The following CNOT4 variants were observed in gnomAD, a reference collection of about 807,000 sequenced individuals.
CNOT4 encodes the protein CCR4-NOT transcription complex subunit 4.
CNOT4 carries 8 observed loss-of-function variants against 73.8 expected under a neutral mutation model. The ratio of observed to expected loss-of-function variants is 0.11; its 90% CI spans 0.06 to 0.20. The LOEUF is 0.20. Among genes scored for constraint, CNOT4 ranks in the 10% least tolerant of loss-of-function variants. The pLI is 1.00. For missense variants in CNOT4, 564 were observed against 883.4 expected (o/e 0.64, Z 4.58); for synonymous variants, 293 against 321.1 (o/e 0.91, Z 0.94).
At chr7:135,460,321 T>A (rs1187197739) in intron 1 of CNOT4, among the ~76,000 whole-genome samples, 1 of 152,248 alleles carries the variant, frequency 6.6e-6, no homozygotes, top group Non-Finnish European at 1.5e-5. Flanking sequence ...CTTTTTGGCC[T>A]ATCTCATGAG....
intron 1 of CNOT4, among the ~76,000 whole-genome samples, chr7:135,471,663 G>A (rs1801584683): frequency 6.6e-6 from 1 of 152,182 alleles, no homozygotes; most frequent in Admixed American, 6.5e-5. Flanking sequence ...GCTGGTCGGA[G>A]ATAATAAAAA....
intron 8 of CNOT4, among the ~76,000 whole-genome samples, chr7:135,397,601 A>C (rs1796765362): frequency 7.3e-6 from 1 of 137,870 alleles, no homozygotes; most frequent in Non-Finnish European, 1.6e-5. Context: ...GGAGTGAAAA[A>C]CTAGCCAAAA....
rs563890908 is a variant in CNOT4 at position 135,362,029 on chromosome 7, A to G, written c.*856T>C. ...GATCAGATGGCCCCAGAGCAGTGCT[A>G]TCTCAGAGTGCCCTCGTCAGGTGAA... On this transcript the variant is annotated 3_prime_UTR_variant, in exon 12 of 12. Transcript: ENST00000541284. The G allele has an allele frequency of 1.3e-4, 20 of 152,918 alleles. No homozygotes were observed. Among genetic ancestry groups the G allele is most frequent in the African/African-American group, 4.8e-4 (20 of 41,570 alleles). 9.5% of individuals were successfully genotyped at this position (152,918 alleles called of 1,614,324 possible). A position where few individuals can be genotyped will look rare whatever the true frequency, so the allele number is the denominator to read the frequency against.
At chr7:135,402,949 T>C (rs1797078734) in intron 7 of CNOT4, among the ~76,000 whole-genome samples, 2 of 152,068 alleles carry the variant, frequency 1.3e-5, no homozygotes, top group South Asian at 4.1e-4. Context: ...ACCAATTACA[T>C]AGTAGAAGAA....
chr7:135,483,346 A>T (rs894396964), intron 1 of CNOT4, among the ~76,000 whole-genome samples: 7 of 151,930 alleles, frequency 4.6e-5, no homozygotes, highest in African/African-American at 1.5e-4. Flanking sequence ...TCAAAAAAAA[A>T]AATAAAAATA....
intron 10 of CNOT4, among the ~76,000 whole-genome samples, chr7:135,392,232 C>T (rs766916993): frequency 1.3e-4 from 20 of 152,066 alleles, no homozygotes; most frequent in Non-Finnish European, 2.6e-4. Flanking sequence ...ATAGTTACCA[C>T]TTTCACACAT....
At position 135,507,962 on chromosome 7, in the gene CNOT4, A is replaced by G. The variant is rs193284659; in HGVS notation, c.-93+1927T>C. 5.3e-5 allele frequency among the ~76,000 whole-genome samples: 8 copies of G among 152,328 alleles called. No individual in the cohort carries two copies. In the East Asian group the frequency reaches 1.5e-3, roughly 29 times the overall value. Reference sequence around the variant, plus strand: ...CCCCAAATTGGGGCTTAAGTGGCTGAAAGAAAAAAGTTTTATAAACAGCTT... The same window carrying G: ...CCCCAAATTGGGGCTTAAGTGGCTGGAAGAAAAAAGTTTTATAAACAGCTT... On this transcript the variant is annotated intron_variant, in intron 1 of 11. Transcript: ENST00000541284.
At chr7:135,428,625 A>C (rs1798647219) in intron 2 of CNOT4, among the ~76,000 whole-genome samples, 1 of 152,198 alleles carries the variant, frequency 6.6e-6, no homozygotes, top group Non-Finnish European at 1.5e-5. Context: ...AACTATTCGC[A>C]CATGAGGACA....
At chr7:135,448,806 C>G (rs919962265) in intron 1 of CNOT4, among the ~76,000 whole-genome samples, 1 of 151,620 alleles carries the variant, frequency 6.6e-6, no homozygotes, top group African/African-American at 2.4e-5. Flanking sequence ...TGAACACTGA[C>G]TAGAAAAAAT....
At chr7:135,402,645 C>T (rs1797061358) in intron 7 of CNOT4, among the ~76,000 whole-genome samples, 2 of 152,256 alleles carry the variant, frequency 1.3e-5, no homozygotes, top group Admixed American at 1.3e-4. Flanking sequence ...CAAGACTCCT[C>T]AAAGTCTCTC....
At chr7:135,447,624 T>C (rs1224203373) in intron 1 of CNOT4, among the ~76,000 whole-genome samples, 1 of 152,206 alleles carries the variant, frequency 6.6e-6, no homozygotes, top group East Asian at 1.9e-4. Context: ...ATTTAACATG[T>C]CCCCAGAGAT....
chr7:135,430,634 G>T (rs1215553730), intron 2 of CNOT4, among the ~76,000 whole-genome samples: 1 of 151,920 alleles, frequency 6.6e-6, no homozygotes, highest in African/African-American at 2.4e-5. Context: ...GAGAGACCAA[G>T]ACCCTATCGC....
At chr7:135,464,012 T>G (rs1455394936) in intron 1 of CNOT4, among the ~76,000 whole-genome samples, 1 of 49,594 alleles carries the variant, frequency 2.0e-5, no homozygotes, top group African/African-American at 1.1e-4. Flanking sequence ...AGGATGGCTA[T>G]TATTAAAAAG....
At chr7:135,475,650 C>G (rs1416731106) in intron 1 of CNOT4, among the ~76,000 whole-genome samples, 1 of 152,148 alleles carries the variant, frequency 6.6e-6, no homozygotes, top group African/African-American at 2.4e-5. Context: ...TGGCTCTCAC[C>G]TGTAATCCCA....
intron 10 of CNOT4, among the ~76,000 whole-genome samples, chr7:135,375,427 A>C: frequency 6.6e-6 from 1 of 152,202 alleles, no homozygotes; most frequent in East Asian, 1.9e-4. Context: ...TTTTACCCTA[A>C]AGAACTCCCT....
chr7:135,429,931 C>T (rs1408976969), intron 2 of CNOT4, among the ~76,000 whole-genome samples: 1 of 152,152 alleles, frequency 6.6e-6, no homozygotes, highest in East Asian at 1.9e-4. Flanking sequence ...TTAGAAGAGG[C>T]TGAGACAACT....
chr7:135,404,850 T>C (rs1246986275), intron 7 of CNOT4, among the ~76,000 whole-genome samples: 1 of 152,182 alleles, frequency 6.6e-6, no homozygotes, highest in East Asian at 1.9e-4. Flanking sequence ...CAGGGAAAGT[T>C]TGCTAAAAAT....
chr7:135,465,439 A>G lies in CNOT4; in HGVS notation c.-92-27016T>C, dbSNP rs566180082. On this transcript the variant is annotated intron_variant, in intron 1 of 11. Coordinates refer to ENST00000541284, the MANE Select transcript of CNOT4 (RefSeq NM_001190850.2). Reference sequence around the variant, plus strand: ...AGGGGAATACATTCCAAGATCTCCAATGGATGCCTGAAGTATGTAATACTT... The same window carrying G: ...AGGGGAATACATTCCAAGATCTCCAGTGGATGCCTGAAGTATGTAATACTT... Among the ~76,000 whole-genome samples, 20 of 152,368 alleles carry G rather than the reference A, an allele frequency of 1.3e-4. No individual in the cohort carries two copies. The South Asian group carries it at 2.9e-3, about 22-fold the overall frequency.
At chr7:135,423,881 T>G (rs1221318070) in intron 2 of CNOT4, among the ~76,000 whole-genome samples, 1 of 152,166 alleles carries the variant, frequency 6.6e-6, no homozygotes, top group Non-Finnish European at 1.5e-5. Context: ...TACCTGATTT[T>G]GGTATGATTT....
Sources: gnomAD v4.1 joint callset for allele counts (sites outside exome capture counted in the v4.1 genomes callset) on GRCh38, gnomAD v4.1.1 for gene constraint, MANE v1.5 for transcripts, NCBI Gene and HGNC (gene_info 2026-07-23, HGNC 2026-07-21) for gene names.